FGF12: variants seen among roughly 807,000 people sequenced by gnomAD.
The protein encoded by FGF12 is fibroblast growth factor 12.
Under a neutral mutation model 23.6 loss-of-function variants are expected in FGF12, and 14 were observed. The observed-to-expected ratio is 0.59, with a 90% CI of 0.39 to 0.93. FGF12 has a LOEUF of 0.93. FGF12 is among the 40% of genes least tolerant of loss of function. The pLI is 0.00. For missense variants in FGF12, 175 were observed against 217.8 expected (o/e 0.80, Z 1.24); for synonymous variants, 62 against 77.3 (o/e 0.80, Z 1.04).
At chr3:192,313,288 A>G (rs2108674949) in intron 4 of FGF12, among the ~76,000 whole-genome samples, 1 of 152,296 alleles carries the variant, frequency 6.6e-6, no homozygotes, top group Non-Finnish European at 1.5e-5. Flanking sequence ...GTGGTAAATG[A>G]TAGTGTAAAT....
chr3:192,290,179 C>T (rs554521552), intron 4 of FGF12, among the ~76,000 whole-genome samples: 6 of 152,082 alleles, frequency 3.9e-5, no homozygotes, highest in South Asian at 2.1e-4. Flanking sequence ...AAAATTACTA[C>T]GATAGTAAAC....
At chr3:192,357,760 T>C (rs1195469870) in intron 3 of FGF12, among the ~76,000 whole-genome samples, 3 of 152,034 alleles carry the variant, frequency 2.0e-5, no homozygotes, top group Admixed American at 2.0e-4. Context: ...GGAAAGAAGA[T>C]CAAAAATAAA....
chr3:192,619,155 A>AT (rs1020580193), intron 2 of FGF12, among the ~76,000 whole-genome samples: 3 of 151,972 alleles, frequency 2.0e-5, no homozygotes, highest in Non-Finnish European at 4.4e-5. Context: ...ATGTTATTAG[A>AT]TTTTTTAATT....
At chr3:192,517,733 T>C (rs1724706725) in intron 2 of FGF12, among the ~76,000 whole-genome samples, 2 of 152,218 alleles carry the variant, frequency 1.3e-5, no homozygotes, top group Non-Finnish European at 2.9e-5. Context: ...ACTTTGTAAG[T>C]AAGTATGAAA....
chr3:192,281,373 T>C (rs140726684), intron 4 of FGF12, among the ~76,000 whole-genome samples: 31 of 152,250 alleles, frequency 2.0e-4, no homozygotes, highest in African/African-American at 7.2e-4. Context: ...ATAAGGACAC[T>C]AGTCATTGGA....
chr3:192,291,463 G>C (rs571187633), intron 4 of FGF12, among the ~76,000 whole-genome samples: 1 of 152,162 alleles, frequency 6.6e-6, no homozygotes, highest in African/African-American at 2.4e-5. Context: ...CACACCTGTG[G>C]TTCTAGCTAC....
intron 4 of FGF12, among the ~76,000 whole-genome samples, chr3:192,327,878 T>C (rs2108688555): frequency 6.6e-6 from 1 of 152,232 alleles, no homozygotes; most frequent in East Asian, 1.9e-4. Flanking sequence ...TTTTAAATTT[T>C]TTGTAGAGAC....
intron 2 of FGF12, among the ~76,000 whole-genome samples, chr3:192,478,747 T>C (rs555755777): frequency 1.3e-5 from 2 of 152,350 alleles, no homozygotes; most frequent in East Asian, 1.9e-4. Context: ...GAAAATTCTT[T>C]TAAAAACTAT....
At chr3:192,350,229 T>C (rs1302490922) in intron 3 of FGF12, among the ~76,000 whole-genome samples, 1 of 152,140 alleles carries the variant, frequency 6.6e-6, no homozygotes, top group Non-Finnish European at 1.5e-5. Flanking sequence ...TCATAAGAGA[T>C]GTACAGTTTG....
At chr3:192,530,369 T>C (rs542423378) in intron 2 of FGF12, among the ~76,000 whole-genome samples, 8 of 152,206 alleles carry the variant, frequency 5.3e-5, no homozygotes, top group Non-Finnish European at 7.3e-5. Context: ...TATCTTAATA[T>C]GGTGCCTGCC....
intron 2 of FGF12, among the ~76,000 whole-genome samples, chr3:192,662,944 C>T (rs1390164414): frequency 1.3e-5 from 2 of 152,342 alleles, no homozygotes; most frequent in East Asian, 3.9e-4. Context: ...GATTCTTCTA[C>T]CAAATAGCTA....
At chr3:192,180,784 A>T (rs1048451273) in intron 4 of FGF12, among the ~76,000 whole-genome samples, 1 of 152,214 alleles carries the variant, frequency 6.6e-6, no homozygotes, top group Non-Finnish European at 1.5e-5. Flanking sequence ...GACAAAGTAT[A>T]TGAGGTAGAA....
At chr3:192,522,205 A>C (rs1204859778) in intron 2 of FGF12, among the ~76,000 whole-genome samples, 18 of 151,668 alleles carry the variant, frequency 1.2e-4, no homozygotes, top group African/African-American at 4.1e-4. Context: ...CTCAAAAAAA[A>C]AAAAAACAAA....
At position 192,348,817 on chromosome 3, in the gene FGF12, T is replaced by C. The variant is rs369683477; in HGVS notation, c.124+11611A>G. Among the ~76,000 whole-genome samples the C allele has an allele frequency of 5.5e-4, 84 of 152,296 alleles. 1 individual carries two copies. In the South Asian group the frequency reaches 0.017, roughly 31 times the overall value. On this transcript the variant is annotated intron_variant, in intron 3 of 5. Coordinates refer to ENST00000445105, the MANE Select transcript of FGF12 (RefSeq NM_004113.6). ...ATTATTTAACCTTCCTGTGCCTCAA[T>C]TTACTCATCTTCAAAATAGAAATGA...
chr3:192,474,253 C>T (rs1310915545), intron 2 of FGF12, among the ~76,000 whole-genome samples: 1 of 152,146 alleles, frequency 6.6e-6, no homozygotes, highest in Non-Finnish European at 1.5e-5. Context: ...ATTAGTTCTC[C>T]TTTGTGTATT....
chr3:192,668,341 A>G (rs1716975691), intron 2 of FGF12, among the ~76,000 whole-genome samples: 1 of 152,194 alleles, frequency 6.6e-6, no homozygotes, highest in Non-Finnish European at 1.5e-5. Context: ...GGAACTGGGA[A>G]GGAATATAAA....
chr3:192,551,230 A>C (rs1711519170), intron 2 of FGF12, among the ~76,000 whole-genome samples: 1 of 152,226 alleles, frequency 6.6e-6, no homozygotes, highest in Non-Finnish European at 1.5e-5. Context: ...CAGGGGCAGC[A>C]TGGGAGACAG....
chr3:192,585,557 C>T (rs1713337105), intron 2 of FGF12, among the ~76,000 whole-genome samples: 1 of 152,106 alleles, frequency 6.6e-6, no homozygotes, highest in South Asian at 2.1e-4. Flanking sequence ...GTAGGTATCT[C>T]ACCAGCTTGA....
At chr3:192,268,259 C>T (rs560817459) in intron 4 of FGF12, among the ~76,000 whole-genome samples, 73 of 152,240 alleles carry the variant, frequency 4.8e-4, no homozygotes, top group Non-Finnish European at 7.4e-4. Flanking sequence ...CAATTTTCCA[C>T]GAAGAGCTCA....
Sources: allele counts gnomAD v4.1 joint callset (sites outside exome capture counted in the v4.1 genomes callset), GRCh38; gene constraint gnomAD v4.1.1; transcripts MANE v1.5; gene names NCBI Gene and HGNC (gene_info 2026-07-23, HGNC 2026-07-21).